PLCXD3: variants seen among roughly 807,000 people sequenced by gnomAD.
PLCXD3 encodes PI-PLC X domain-containing protein 3.
In PLCXD3, 19 loss-of-function variants were observed where a neutral mutation model predicts 25.5. The observed-to-expected ratio is 0.75, with a 90% CI of 0.52 to 1.09. The LOEUF (loss-of-function observed/expected upper bound fraction) is 1.09, where lower values mean the gene tolerates loss of function less well. Among genes scored for constraint, PLCXD3 ranks in the 50% least tolerant of loss-of-function variants. PLCXD3 has a pLI of 0.00. For missense variants in PLCXD3, 411 were observed against 388.1 expected, an observed-to-expected ratio of 1.06 and a Z score of -0.50; for synonymous variants, 174 against 137.6, an observed-to-expected ratio of 1.26 and a Z score of -1.85.
intron 2 of PLCXD3, among the ~76,000 whole-genome samples, chr5:41,362,317 A>T (rs919322357): frequency 6.6e-6 from 1 of 152,154 alleles, no homozygotes; most frequent in African/African-American, 2.4e-5. Flanking sequence ...TAGGGGGTGA[A>T]AAAAAGCAAC....
intron 1 of PLCXD3, among the ~76,000 whole-genome samples, chr5:41,445,693 C>T (rs192902): frequency 0.012 from 1,835 of 152,238 alleles, 44 homozygotes; most frequent in African/African-American, 0.041. Flanking sequence ...GGTAAAATTA[C>T]AATTCAGAAC....
At chr5:41,324,036 A>C (rs1743551417) in intron 2 of PLCXD3, among the ~76,000 whole-genome samples, 1 of 152,142 alleles carries the variant, frequency 6.6e-6, no homozygotes, top group South Asian at 2.1e-4. Context: ...CAAACAGAGA[A>C]TAGTTGGAGC....
chr5:41,505,576 A>C (rs1467758349), intron 1 of PLCXD3, among the ~76,000 whole-genome samples: 2 of 152,220 alleles, frequency 1.3e-5, no homozygotes, highest in Non-Finnish European at 2.9e-5. Flanking sequence ...TGTGCACCAC[A>C]AAGAGTGACT....
At chr5:41,420,300 A>G (rs1489870500) in intron 1 of PLCXD3, among the ~76,000 whole-genome samples, 1 of 152,180 alleles carries the variant, frequency 6.6e-6, no homozygotes, top group Non-Finnish European at 1.5e-5. Flanking sequence ...TTTGAGATGA[A>G]TATATTGTGC....
intron 2 of PLCXD3, among the ~76,000 whole-genome samples, chr5:41,331,681 G>A (rs2150474593): frequency 6.6e-6 from 1 of 152,232 alleles, no homozygotes; most frequent in South Asian, 2.1e-4. Context: ...CACGCTACCT[G>A]ACTTCAAACT....
intron 2 of PLCXD3, among the ~76,000 whole-genome samples, chr5:41,346,200 C>G (rs1744299229): frequency 6.6e-6 from 1 of 152,180 alleles, no homozygotes; most frequent in African/African-American, 2.4e-5. Flanking sequence ...TTCTAGTTTA[C>G]AGAAAACTTA....
At chr5:41,334,801 G>A (rs1163963573) in intron 2 of PLCXD3, among the ~76,000 whole-genome samples, 2 of 152,158 alleles carry the variant, frequency 1.3e-5, no homozygotes, top group Admixed American at 6.5e-5. Context: ...TCTGTCCTCA[G>A]GCTCATCGTT....
At chr5:41,472,242 T>C (rs1446724449) in intron 1 of PLCXD3, among the ~76,000 whole-genome samples, 1 of 152,140 alleles carries the variant, frequency 6.6e-6, no homozygotes, top group Admixed American at 6.5e-5. Flanking sequence ...TAGACTGTGA[T>C]GCTTCTGCCA....
chr5:41,344,327 GT>G (rs1561239313), intron 2 of PLCXD3, among the ~76,000 whole-genome samples: 1 of 152,128 alleles, frequency 6.6e-6, no homozygotes, highest in East Asian at 1.9e-4. Flanking sequence ...AATAATTAAG[GT>G]TTCAGATTTA....
At chr5:41,491,642 G>C (rs980318933) in intron 1 of PLCXD3, among the ~76,000 whole-genome samples, 1 of 152,024 alleles carries the variant, frequency 6.6e-6, no homozygotes, top group Non-Finnish European at 1.5e-5. Flanking sequence ...TATATATTTA[G>C]GATAGTTAGC....
At chr5:41,392,300 C>T (rs1218570132) in intron 1 of PLCXD3, among the ~76,000 whole-genome samples, 1 of 152,126 alleles carries the variant, frequency 6.6e-6, no homozygotes, top group African/African-American at 2.4e-5. Context: ...GATTCTGTCA[C>T]TTCACCCCCA....
At chr5:41,402,146 C>CT (rs199613693) in intron 1 of PLCXD3, among the ~76,000 whole-genome samples, 8 of 151,192 alleles carry the variant, frequency 5.3e-5, no homozygotes, top group Non-Finnish European at 7.4e-5. Context: ...TAATTTGTTC[C>CT]TTTTTTTTAG....
chr5:41,398,225 T>A (rs997408613), intron 1 of PLCXD3, among the ~76,000 whole-genome samples: 6 of 152,180 alleles, frequency 3.9e-5, no homozygotes, highest in Non-Finnish European at 8.8e-5. Flanking sequence ...GGAAGAGACC[T>A]GGTGGGAGAT....
chr5:41,498,644 A>G (rs1271227847), intron 1 of PLCXD3, among the ~76,000 whole-genome samples: 2 of 151,812 alleles, frequency 1.3e-5, no homozygotes, highest in Admixed American at 1.3e-4. Flanking sequence ...ACACTTCCAA[A>G]TTCATTCTGT....
intron 2 of PLCXD3, among the ~76,000 whole-genome samples, chr5:41,315,504 G>A (rs575776284): frequency 1.4e-4 from 22 of 151,890 alleles, no homozygotes; most frequent in African/African-American, 4.1e-4. Context: ...AGAAGGCTCC[G>A]CATACCCCTG....
intron 1 of PLCXD3, among the ~76,000 whole-genome samples, chr5:41,497,344 C>G (rs1465929919): frequency 6.6e-6 from 1 of 151,676 alleles, no homozygotes; most frequent in East Asian, 1.9e-4. Flanking sequence ...AAAATATATT[C>G]CAGGCAAATG....
At chr5:41,455,906 A>G (rs1469953328) in intron 1 of PLCXD3, among the ~76,000 whole-genome samples, 2 of 151,998 alleles carry the variant, frequency 1.3e-5, no homozygotes, top group Non-Finnish European at 2.9e-5. Flanking sequence ...AAACACAGTT[A>G]TTGTCCCATA....
At chr5:41,489,068 A>G (rs1748587820) in intron 1 of PLCXD3, among the ~76,000 whole-genome samples, 1 of 152,184 alleles carries the variant, frequency 6.6e-6, no homozygotes, top group African/African-American at 2.4e-5. Flanking sequence ...TTTAGGTCTA[A>G]CGTTTAAGTC....
At chr5:41,506,126 C>A (rs1309779065) in intron 1 of PLCXD3, among the ~76,000 whole-genome samples, 1 of 152,080 alleles carries the variant, frequency 6.6e-6, no homozygotes, top group East Asian at 1.9e-4. Context: ...TCTACCAAGC[C>A]CACATGTATG....
Sources: allele counts gnomAD v4.1 joint callset (sites outside exome capture counted in the v4.1 genomes callset), GRCh38; gene constraint gnomAD v4.1.1; transcripts MANE v1.5; gene names NCBI Gene and HGNC (gene_info 2026-07-23, HGNC 2026-07-21).